DNM3: variants seen among roughly 807,000 people sequenced by gnomAD.
DNM3 encodes the protein dynamin 3, also known as dynamin-3.
In DNM3, 47 loss-of-function variants were observed where a neutral mutation model predicts 101.6. That is an observed-to-expected ratio of 0.46 (90% confidence interval 0.37 to 0.59). The LOEUF is 0.59. Ranked by LOEUF, DNM3 falls within the 20% of genes least tolerant of loss-of-function variation. The probability of loss-of-function intolerance (pLI) is 0.00; values close to 1 mark genes in which losing one functional copy is unlikely to be tolerated. For missense variants in DNM3, 849 were observed against 1,085.7 expected (o/e 0.78, Z 3.06); for synonymous variants, 385 against 387.9 (o/e 0.99, Z 0.09).
At chr1:172,228,133 A>G (rs1369443996) in intron 14 of DNM3, among the ~76,000 whole-genome samples, 1 of 151,584 alleles carries the variant, frequency 6.6e-6, no homozygotes, top group Non-Finnish European at 1.5e-5. Flanking sequence ...AATTTTGTTC[A>G]TTATTTTGCC....
At chr1:172,107,411 A>G (rs1558579473) in intron 13 of DNM3, among the ~76,000 whole-genome samples, 1 of 152,244 alleles carries the variant, frequency 6.6e-6, no homozygotes, top group East Asian at 1.9e-4. Flanking sequence ...AAAAAAAGTA[A>G]AAGGGCTTTC....
At chr1:171,848,442 A>T (rs2032492997) in intron 1 of DNM3, among the ~76,000 whole-genome samples, 1 of 152,196 alleles carries the variant, frequency 6.6e-6, no homozygotes, top group South Asian at 2.1e-4. Flanking sequence ...CCAGGAAAAG[A>T]CTAAATAAGA....
At chr1:171,929,198 C>T (rs1374260450) in intron 2 of DNM3, among the ~76,000 whole-genome samples, 1 of 152,160 alleles carries the variant, frequency 6.6e-6, no homozygotes, top group East Asian at 1.9e-4. Flanking sequence ...GTTATGTTGC[C>T]CAAACAGCAA....
At chr1:172,135,698 G>C (rs2057183892) in intron 14 of DNM3, among the ~76,000 whole-genome samples, 1 of 151,860 alleles carries the variant, frequency 6.6e-6, no homozygotes, top group African/African-American at 2.4e-5. Context: ...CATTTCAAAA[G>C]TTTTTTGAAA....
chr1:171,868,519 T>C (rs1315018685), intron 1 of DNM3, among the ~76,000 whole-genome samples: 1 of 152,210 alleles, frequency 6.6e-6, no homozygotes, highest in Non-Finnish European at 1.5e-5. Flanking sequence ...GCCAGTTCTA[T>C]TTGAAATGTT....
At chr1:172,030,348 A>G (rs180688124) in intron 4 of DNM3, among the ~76,000 whole-genome samples, 200 of 152,338 alleles carry the variant, frequency 1.3e-3, no homozygotes, top group Admixed American at 2.4e-3. Flanking sequence ...AAAACTGGCT[A>G]GCCATATGCA....
At chr1:172,244,444 C>G (rs2061870730) in intron 14 of DNM3, among the ~76,000 whole-genome samples, 1 of 151,530 alleles carries the variant, frequency 6.6e-6, no homozygotes, top group Non-Finnish European at 1.5e-5. Context: ...AAAATTTTCG[C>G]AACCTACTCA....
At chr1:172,316,188 T>G (rs1395660600) in intron 16 of DNM3, among the ~76,000 whole-genome samples, 1 of 151,938 alleles carries the variant, frequency 6.6e-6, no homozygotes, top group African/African-American at 2.4e-5. Context: ...AAGCAAATGC[T>G]GAGAGATTTT....
At chr1:172,253,512 CTCCT>C (rs1322974773) in intron 14 of DNM3, 57 bp from the exon 15 acceptor site, 1 of 928,096 alleles carries the variant, frequency 1.1e-6, no homozygotes, top group African/African-American at 1.7e-5. Flanking sequence ...CTCCTCTCCT[CTCCT>C]CTCCTCTCCT....
At chr1:172,413,439 G>A (rs920422814), downstream of DNM3, among the ~76,000 whole-genome samples, 7 of 152,148 alleles carry the variant, frequency 4.6e-5, no homozygotes, top group Non-Finnish European at 1.0e-4. Context: ...ATGTTAGCCA[G>A]GATGGTCTCG....
At chr1:172,327,417 C>T (rs2065980278) in intron 17 of DNM3, among the ~76,000 whole-genome samples, 1 of 152,106 alleles carries the variant, frequency 6.6e-6, no homozygotes, top group Non-Finnish European at 1.5e-5. Flanking sequence ...TTACACCAAG[C>T]CCTCAACTCC....
chr1:172,186,464 T>C (rs573836673), intron 14 of DNM3, among the ~76,000 whole-genome samples: 14 of 151,790 alleles, frequency 9.2e-5, no homozygotes, highest in Non-Finnish European at 1.6e-4. Context: ...GTGGGTAAAA[T>C]AATATAGAAG....
intron 14 of DNM3, among the ~76,000 whole-genome samples, chr1:172,225,788 AC>A (rs941710294): frequency 2.1e-4 from 32 of 151,756 alleles, no homozygotes; most frequent in African/African-American, 7.7e-4. Flanking sequence ...ATCTTATCTC[AC>A]CATTCAGAGA....
intron 13 of DNM3, among the ~76,000 whole-genome samples, chr1:172,121,961 T>C (rs2056348992): frequency 6.6e-6 from 1 of 152,202 alleles, no homozygotes. Context: ...CATATACTAC[T>C]TCAGAATGCT....
At chr1:172,180,608 A>G (rs2059310440) in intron 14 of DNM3, among the ~76,000 whole-genome samples, 2 of 151,450 alleles carry the variant, frequency 1.3e-5, no homozygotes, top group Admixed American at 1.3e-4. Flanking sequence ...AGATCATAAA[A>G]AGTTTCCTTC....
intron 2 of DNM3, among the ~76,000 whole-genome samples, chr1:171,985,032 A>G (rs1558374425): frequency 6.6e-6 from 1 of 152,312 alleles, no homozygotes; most frequent in East Asian, 1.9e-4. Context: ...CCGGAAGGGC[A>G]TGTTTCCTGC....
chr1:172,046,858 A>G (rs1368879519), intron 9 of DNM3, among the ~76,000 whole-genome samples: 3 of 152,178 alleles, frequency 2.0e-5, no homozygotes, highest in Non-Finnish European at 4.4e-5. Flanking sequence ...TTGGGGTCAT[A>G]CAGTATTTGA....
At chr1:172,155,666 C>T (rs562211105) in intron 14 of DNM3, among the ~76,000 whole-genome samples, 1 of 152,128 alleles carries the variant, frequency 6.6e-6, no homozygotes, top group South Asian at 2.1e-4. Flanking sequence ...TTTTTTCACT[C>T]ACTCCATGAA....
chr1:172,150,044 C>A (rs567488873), intron 14 of DNM3, among the ~76,000 whole-genome samples: 1 of 152,204 alleles, frequency 6.6e-6, no homozygotes, highest in African/African-American at 2.4e-5. Context: ...GGATTTTAAT[C>A]TTCTAGTATA....
Sources: gnomAD v4.1 joint callset for allele counts (sites outside exome capture counted in the v4.1 genomes callset) on GRCh38, gnomAD v4.1.1 for gene constraint, MANE v1.5 for transcripts, NCBI Gene and HGNC (gene_info 2026-07-23, HGNC 2026-07-21) for gene names.